ESPN: variants seen among roughly 807,000 people sequenced by gnomAD.
ESPN encodes autosomal recessive deafness type 36 protein.
ESPN carries 68 observed loss-of-function variants against 77.7 expected under a neutral mutation model. That is an observed-to-expected ratio of 0.87 (90% CI 0.72 to 1.07). The LOEUF (loss-of-function observed/expected upper bound fraction) is 1.07, where lower values mean the gene tolerates loss of function less well. Among genes scored for constraint, ESPN ranks in the 50% least tolerant of loss-of-function variants. ESPN has a pLI of 0.00. For synonymous variants in ESPN, 449 were observed against 567.1 expected (o/e 0.79, Z 2.96); for missense variants, 1,060 against 1,239.0 (o/e 0.86, Z 2.17).
intron 3 of ESPN, 45 bp downstream of exon 3, chr1:6,440,485 C>A: frequency 1.5e-6 from 2 of 1,363,686 alleles, no homozygotes; most frequent in Non-Finnish European, 1.9e-6. Context: ...CGGGGCGGAG[C>A]CGGCAGGGCG....
chr1:6,435,209 A>G (rs1206866143), intron 2 of ESPN, among the ~76,000 whole-genome samples: 1 of 151,722 alleles, frequency 6.6e-6, no homozygotes, highest in East Asian at 1.9e-4. Context: ...ATTTCAATTC[A>G]AAGCAGTCAC....
intron 10 of ESPN, chr1:6,454,643 G>T (rs974629552): frequency 2.3e-5 from 9 of 398,802 alleles, no homozygotes; most frequent in Non-Finnish European, 4.0e-5. Flanking sequence ...AGCAGCTGCT[G>T]CCCATCTCGG....
At chr1:6,459,977 G>GC (rs755743596) in intron 12 of ESPN, 22 bp from the exon 13 acceptor site, 6 of 1,612,888 alleles carry the variant, frequency 3.7e-6, no homozygotes, top group African/African-American at 1.3e-5. Context: ...CACCGGGTCT[G>GC]CCCCCCTCCC....
intron 10 of ESPN, chr1:6,455,161 C>T: frequency 2.6e-6 from 1 of 388,610 alleles, no homozygotes; most frequent in South Asian, 1.3e-4. Context: ...ACCCTGGGCC[C>T]GCCCGAGGTA....
intron 5 of ESPN, among the ~76,000 whole-genome samples, 154 bp downstream of exon 5, chr1:6,441,219 A>T (rs1390899680): frequency 6.6e-6 from 1 of 151,934 alleles, no homozygotes; most frequent in African/African-American, 2.4e-5. Flanking sequence ...ACCACTGCCT[A>T]CTGGGGACTG....
intron 10 of ESPN, chr1:6,455,592 C>CCGCCCCTGGACGGCGGCG (rs1644040300): frequency 2.5e-6 from 1 of 399,154 alleles, no homozygotes; most frequent in South Asian, 1.3e-4. Flanking sequence ...GCACTTCCTG[C>CCGCCCCTGGACGGCGGCG]CGCCCCTGGA....
chr1:6,427,810 C>A lies in ESPN; in HGVS notation c.295-416C>A, dbSNP rs1040159942. Among the ~76,000 whole-genome samples the A allele has an allele frequency of 3.3e-5, 5 of 152,210 alleles. No homozygotes were observed. Among genetic ancestry groups the A allele is most frequent in the Non-Finnish European group, 7.4e-5 (5 of 68,026 alleles). ...TAGCTTGGTACAGCCCCACAGCCCC[C>A]CTTCCTGGCCCTGCTCAGCCCAGTA... On this transcript the variant is annotated intron_variant, in intron 1 of 12. Coordinates refer to ENST00000645284, the MANE Select transcript of ESPN (RefSeq NM_031475.3). This position sits in a 1 kb window ranked among gnomAD's most constrained non-coding sequence, Gnocchi z 4.6.
In ESPN at chr1:6,440,455, C is replaced by G. The variant is rs1643582657; in HGVS notation, c.675+15C>G. The stretch of plus-strand genomic sequence containing the variant: ...TCGTGTGGTTGGTGAGCTCCGGGCC[C>G]GGGCGGGGAGCAGGGGAGGCGGGGC... On this transcript the variant is annotated intron_variant, in intron 3 of 12. Coordinates refer to ENST00000645284, the MANE Select transcript of ESPN (RefSeq NM_031475.3). 3.9e-6 allele frequency: 6 copies of G among 1,529,020 alleles called. No individual in the cohort carries two copies. Among genetic ancestry groups the G allele is most frequent in the East Asian group, 2.5e-5 (1 of 40,572 alleles). The allele number at this position is 1,529,020 out of a possible 1,614,324, so 94.7% of individuals were successfully genotyped here.
Position 6,451,504 on chromosome 1 carries a change from C to G in ESPN, c.1916-99C>G. On this transcript the variant is annotated intron_variant, in intron 8 of 12. Coordinates refer to ENST00000645284, the MANE Select transcript of ESPN (RefSeq NM_031475.3). This position sits in a 1 kb window ranked among gnomAD's most constrained non-coding sequence, Gnocchi z 4.3. ...GCTGGCCCGGAGGATGGGCACCCAT[C>G]CAATCTTGGCTTAGGAAAGGGGCTG... The G allele has an allele frequency of 6.6e-7, 1 of 1,511,090 alleles. No individual in the cohort carries two copies. Among genetic ancestry groups the G allele is most frequent in the Non-Finnish European group, 9.0e-7 (1 of 1,110,226 alleles). 93.6% of individuals were successfully genotyped at this position (1,511,090 alleles called of 1,614,324 possible).
chr1:6,448,280 G>A (rs1465357772), intron 7 of ESPN, among the ~76,000 whole-genome samples: 4 of 152,246 alleles, frequency 2.6e-5, no homozygotes, highest in Non-Finnish European at 4.4e-5. Flanking sequence ...AGCGGAGTGC[G>A]GCCGAGGGCC....
chr1:6,425,062 ACGCG>A lies in ESPN; in HGVS notation c.109_112del (p.Ala37CysfsTer83). 6.8e-7 allele frequency: 1 copy of A among 1,472,314 alleles called. No individual in the cohort carries two copies. The highest frequency in any genetic ancestry group is 8.9e-7 in the Non-Finnish European group (1 of 1,119,192). The allele number at this position is 1,472,314 out of a possible 1,614,324, so 91.2% of individuals were successfully genotyped here. ...GGGCCCTCGCTGCGCGACCCGCTGG[ACGCG>A]CTGCCCGTGCACCACGCGGCCCGCG... On this transcript the variant is annotated frameshift_variant, in exon 1 of 13. Coordinates refer to ENST00000645284, the MANE Select transcript of ESPN (RefSeq NM_031475.3). LOFTEE classifies it high-confidence loss of function.
intron 12 of ESPN, among the ~76,000 whole-genome samples, chr1:6,458,163 C>G (rs1644088321): frequency 6.6e-6 from 1 of 151,770 alleles, no homozygotes; most frequent in South Asian, 2.1e-4. Context: ...GGATTACAAG[C>G]GTGTGCCACC....
rs374640448 is a variant in ESPN at position 6,426,487 on chromosome 1, G to T, written c.294+1238G>T. Among the ~76,000 whole-genome samples the T allele has an allele frequency of 8.2e-5, 12 of 146,476 alleles. No homozygotes were observed. The East Asian group carries it at 2.0e-3, about 24-fold the overall frequency. ...GCTTGGGTGTGGGGGGAGAAAGTGT[G>T]GGGGGGATGACCTGGATCCTTGGGC... On this transcript the variant is annotated intron_variant, in intron 1 of 12. Transcript: ENST00000645284.
chr1:6,431,628 CAAA>C (rs760363517), intron 2 of ESPN, among the ~76,000 whole-genome samples: 21 of 61,786 alleles, frequency 3.4e-4, no homozygotes, highest in African/African-American at 8.1e-4. Context: ...AAGATTCTGT[CAAA>C]AAAAAAAAAA....
chr1:6,435,829 G>T (rs1017407445), intron 2 of ESPN, among the ~76,000 whole-genome samples: 1 of 152,238 alleles, frequency 6.6e-6, no homozygotes, highest in African/African-American at 2.4e-5. Flanking sequence ...TTCAGCAATG[G>T]CTGTGCACCA....
At chr1:6,441,445 G>T (rs1164317565) in intron 5 of ESPN, among the ~76,000 whole-genome samples, 2 of 152,118 alleles carry the variant, frequency 1.3e-5, no homozygotes, top group Non-Finnish European at 2.9e-5. Context: ...GTGAGTCTGC[G>T]GGGCACCAAG....
At chr1:6,441,092 C>A (rs55884073) in intron 5 of ESPN, 27 bp downstream of exon 5, 1 of 1,605,318 alleles carries the variant, frequency 6.2e-7, no homozygotes, top group South Asian at 1.1e-5. Flanking sequence ...GCTCCTGTCG[C>A]ATTCTTTCTT....
Position 6,460,164 on chromosome 1 carries a change from C to A in ESPN, c.*18C>A. Reference sequence around the variant, plus strand: ...AGTACTAGAGGCCGCAGACTCCTGTCCGCAGCCTCGCAGCTCCGTGGGGCC... The same window carrying A: ...AGTACTAGAGGCCGCAGACTCCTGTACGCAGCCTCGCAGCTCCGTGGGGCC... On this transcript the variant is annotated 3_prime_UTR_variant, in exon 13 of 13. Coordinates refer to ENST00000645284, the MANE Select transcript of ESPN (RefSeq NM_031475.3). 1 of 1,606,886 alleles carries A rather than the reference C, an allele frequency of 6.2e-7. No individual in the cohort carries two copies. The highest frequency in any genetic ancestry group is 1.1e-5 in the South Asian group (1 of 90,896).
intron 2 of ESPN, among the ~76,000 whole-genome samples, chr1:6,436,922 C>T (rs1234139090): frequency 6.6e-6 from 1 of 152,200 alleles, no homozygotes; most frequent in Non-Finnish European, 1.5e-5. Context: ...GATCCCCTCC[C>T]CCGCAGCCCA....
Sources: gnomAD v4.1 joint callset for allele counts (sites outside exome capture counted in the v4.1 genomes callset) on GRCh38, gnomAD v4.1.1 for gene constraint, Gnocchi (gnomAD v3.1) non-coding constraint, MANE v1.5 for transcripts, NCBI Gene and HGNC (gene_info 2026-07-23, HGNC 2026-07-21) for gene names.